The following ADGRL2 variants were observed in gnomAD, a reference collection of about 807,000 sequenced individuals.
The protein encoded by ADGRL2 is adhesion G protein-coupled receptor L2.
A neutral mutation model predicts 157.4 loss-of-function variants in ADGRL2; 44 were observed. The observed-to-expected ratio is 0.28, with a 90% CI of 0.22 to 0.36. ADGRL2 has a LOEUF of 0.36. Ranked by LOEUF, ADGRL2 falls within the 10% of genes least tolerant of loss-of-function variation. The pLI is 1.00. For synonymous variants in ADGRL2, 585 were observed against 624.7 expected (o/e 0.94, Z 0.95); for missense variants, 1,510 against 1,768.9 (o/e 0.85, Z 2.63).
intron 2 of ADGRL2, among the ~76,000 whole-genome samples, chr1:81,520,078 G>A (rs527401674): frequency 6.6e-6 from 1 of 152,270 alleles, no homozygotes; most frequent in Admixed American, 6.5e-5. Flanking sequence ...GCTGGAGGCT[G>A]AAGCAGCCAT....
At chr1:81,325,646 A>C (rs548036488) in intron 1 of ADGRL2, among the ~76,000 whole-genome samples, 1 of 152,330 alleles carries the variant, frequency 6.6e-6, no homozygotes, top group African/African-American at 2.4e-5. Context: ...GAAGCCAAGA[A>C]TTCTCTTCCA....
chr1:81,819,225 A>T (rs978297695), intron 1 of ADGRL2, among the ~76,000 whole-genome samples: 2 of 152,180 alleles, frequency 1.3e-5, no homozygotes, highest in African/African-American at 4.8e-5. Flanking sequence ...GACAGATATG[A>T]GAAGTTTTGT....
chr1:81,470,302 A>G (rs1191649066), intron 2 of ADGRL2, among the ~76,000 whole-genome samples: 2 of 152,148 alleles, frequency 1.3e-5, no homozygotes, highest in African/African-American at 4.8e-5. Context: ...CTTCCACATC[A>G]AGGGCCTGTT....
chr1:81,318,622 T>C, intron 1 of ADGRL2, among the ~76,000 whole-genome samples: 1 of 152,184 alleles, frequency 6.6e-6, no homozygotes, highest in East Asian at 1.9e-4. Flanking sequence ...ACCATGATAG[T>C]AATAATAGCA....
chr1:81,669,735 G>T (rs1224321147), intron 3 of ADGRL2, among the ~76,000 whole-genome samples: 1 of 152,036 alleles, frequency 6.6e-6, no homozygotes, highest in East Asian at 1.9e-4. Context: ...GAGGTCAGGA[G>T]ATCGAGACCA....
intron 2 of ADGRL2, among the ~76,000 whole-genome samples, chr1:81,487,948 G>A (rs116076507): frequency 0.014 from 2,074 of 151,966 alleles, 19 homozygotes; most frequent in Non-Finnish European, 0.02. Context: ...AAAAATATGC[G>A]CAAGGCACCC....
intron 3 of ADGRL2, among the ~76,000 whole-genome samples, chr1:81,620,229 G>A (rs1206201749): frequency 6.6e-6 from 1 of 152,116 alleles, no homozygotes; most frequent in East Asian, 1.9e-4. Context: ...ACTGGTACAT[G>A]GGTACAGTAG....
chr1:81,543,304 A>G (rs2079933953), intron 2 of ADGRL2, among the ~76,000 whole-genome samples: 1 of 151,970 alleles, frequency 6.6e-6, no homozygotes, highest in Non-Finnish European at 1.5e-5. Context: ...TTCCCTCACT[A>G]AAGTCCCAAG....
At chr1:81,606,481 A>C in intron 3 of ADGRL2, among the ~76,000 whole-genome samples, 1 of 140,554 alleles carries the variant, frequency 7.1e-6, no homozygotes, top group African/African-American at 2.8e-5. Flanking sequence ...ACACAGATAC[A>C]CAGGTTCATG....
chr1:81,390,605 T>C (rs2076526508), intron 1 of ADGRL2, among the ~76,000 whole-genome samples: 1 of 152,276 alleles, frequency 6.6e-6, no homozygotes, highest in African/African-American at 2.4e-5. Context: ...TATTGCATAT[T>C]CTTCCAGAAT....
chr1:81,552,659 A>G (rs2080179750), intron 2 of ADGRL2, among the ~76,000 whole-genome samples: 1 of 151,746 alleles, frequency 6.6e-6, no homozygotes, highest in Non-Finnish European at 1.5e-5. Context: ...CCAAAAAACC[A>G]TGAGTTCTGA....
intron 2 of ADGRL2, among the ~76,000 whole-genome samples, chr1:81,890,000 T>TA (rs1379478505): frequency 6.6e-6 from 1 of 152,216 alleles, no homozygotes; most frequent in African/African-American, 2.4e-5. Context: ...GGCAATAAAT[T>TA]ACTTCTCTTT....
chr1:81,448,221 T>C (rs1367985445), intron 2 of ADGRL2, among the ~76,000 whole-genome samples: 1 of 137,304 alleles, frequency 7.3e-6, no homozygotes, highest in African/African-American at 2.7e-5. Context: ...CTCGGCACAC[T>C]GCAATCTCTG....
chr1:81,600,625 A>C (rs2081316296), intron 3 of ADGRL2, among the ~76,000 whole-genome samples: 1 of 152,228 alleles, frequency 6.6e-6, no homozygotes, highest in South Asian at 2.1e-4. Context: ...ATGCTCATTG[A>C]ATAGATTAGG....
intron 16 of ADGRL2, among the ~76,000 whole-genome samples, chr1:81,971,213 A>G (rs887970535): frequency 3.9e-5 from 6 of 152,164 alleles, no homozygotes; most frequent in Admixed American, 2.0e-4. Context: ...ACAGATGATG[A>G]AAGACAAAAG....
At chr1:81,739,028 A>G (rs549858993) in intron 1 of ADGRL2, among the ~76,000 whole-genome samples, 1 of 152,324 alleles carries the variant, frequency 6.6e-6, no homozygotes, top group East Asian at 1.9e-4. Flanking sequence ...TTGCTTTTAG[A>G]AAGAACTTCA....
At chr1:81,907,864 A>G (rs2094618366) in intron 3 of ADGRL2, among the ~76,000 whole-genome samples, 1 of 152,200 alleles carries the variant, frequency 6.6e-6, no homozygotes, top group African/African-American at 2.4e-5. Flanking sequence ...TGACAAATGT[A>G]TTCACCATTG....
At chr1:81,551,043 T>G (rs573749093) in intron 2 of ADGRL2, among the ~76,000 whole-genome samples, 1 of 152,262 alleles carries the variant, frequency 6.6e-6, no homozygotes, top group South Asian at 2.1e-4. Context: ...TTAGAAGATG[T>G]ACTGAGACTC....
At chr1:81,519,344 C>CT (rs1449523758) in intron 2 of ADGRL2, among the ~76,000 whole-genome samples, 2 of 152,146 alleles carry the variant, frequency 1.3e-5, no homozygotes, top group Non-Finnish European at 1.5e-5. Context: ...GACTTCCTGA[C>CT]TCATATGTAA....
Sources: allele counts gnomAD v4.1 joint callset (sites outside exome capture counted in the v4.1 genomes callset), GRCh38; gene constraint gnomAD v4.1.1; transcripts MANE v1.5; gene names NCBI Gene and HGNC (gene_info 2026-07-23, HGNC 2026-07-21).